The following TENT4B variants were observed in gnomAD, a reference collection of about 807,000 sequenced individuals.
TENT4B encodes the protein terminal nucleotidyltransferase 4B.
Under a neutral mutation model 75.0 loss-of-function variants are expected in TENT4B, and 10 were observed. The ratio of observed to expected loss-of-function variants is 0.13; its 90% CI spans 0.08 to 0.23. The LOEUF is 0.23. Ranked by LOEUF, TENT4B falls within the 10% of genes least tolerant of loss-of-function variation. The probability of loss-of-function intolerance (pLI) is 1.00; values close to 1 mark genes in which losing one functional copy is unlikely to be tolerated. For synonymous variants in TENT4B, 350 were observed against 357.7 expected (o/e 0.98, Z 0.24); for missense variants, 579 against 893.8 (o/e 0.65, Z 4.49).
rs940114529 is a variant in TENT4B, at chr16:50,230,660, G to A, written c.*1332G>A. ...CCTCTTCTTTCATGGAATTGTTATC[G>A]TTAATTAAAACTTTTTTAAACATTG... is the stretch of plus-strand genomic sequence containing the variant. On this transcript the variant is annotated 3_prime_UTR_variant, in exon 12 of 12. Coordinates refer to ENST00000561678, the MANE Select transcript of TENT4B (RefSeq NM_001365324.3). 4 of 985,254 alleles carry A rather than the reference G, an allele frequency of 4.1e-6. No individual in the cohort carries two copies. Among genetic ancestry groups the A allele is most frequent in the Middle Eastern group, 5.2e-4 (1 of 1,914 alleles). 61.0% of individuals were successfully genotyped at this position (985,254 alleles called of 1,614,324 possible).
chr16:50,175,401 C>T (rs2038286916), intron 1 of TENT4B, among the ~76,000 whole-genome samples: 1 of 152,112 alleles, frequency 6.6e-6, no homozygotes, highest in Admixed American at 6.6e-5. Context: ...TATTATCTTA[C>T]AGGAGTTTTA....
At chr16:50,205,381 A>G (rs1487321806) in intron 1 of TENT4B, among the ~76,000 whole-genome samples, 2 of 152,106 alleles carry the variant, frequency 1.3e-5, no homozygotes, top group African/African-American at 4.8e-5. Context: ...AAATTATAAT[A>G]GTACAGAAAG....
In TENT4B at chr16:50,233,233, T is replaced by C. The variant is rs2032348058; in HGVS notation, c.*3905T>C. The C allele has an allele frequency of 2.0e-6, 2 of 985,108 alleles. No individual in the cohort carries two copies. The highest frequency in any genetic ancestry group is 3.5e-5 in the African/African-American group (2 of 57,234). The allele number at this position is 985,108 out of a possible 1,614,324, so 61.0% of individuals were successfully genotyped here. A position where few individuals can be genotyped will look rare whatever the true frequency, so the allele number is the denominator to read the frequency against. On this transcript the variant is annotated 3_prime_UTR_variant, in exon 12 of 12. Transcript: ENST00000561678. ...TCCAGCATTAAAGTGGGAACAAAGA[T>C]TTATATATGAAATTCCTTAAAAGAG...
At chr16:50,172,825 C>T (rs2038231985) in intron 1 of TENT4B, among the ~76,000 whole-genome samples, 1 of 152,160 alleles carries the variant, frequency 6.6e-6, no homozygotes, top group South Asian at 2.1e-4. Context: ...CCTCCATCTA[C>T]CTGAACCCCT....
At chr16:50,203,541 C>T (rs1396045948) in intron 1 of TENT4B, among the ~76,000 whole-genome samples, 2 of 152,194 alleles carry the variant, frequency 1.3e-5, no homozygotes, top group African/African-American at 4.8e-5. Flanking sequence ...ATCGACCTAT[C>T]TCTGTGCACA....
intron 3 of TENT4B, 38 bp downstream of exon 3, chr16:50,214,305 A>G: frequency 6.8e-7 from 1 of 1,479,390 alleles, no homozygotes. Flanking sequence ...GACTTTTCTT[A>G]GAGTGTATTC....
intron 1 of TENT4B, among the ~76,000 whole-genome samples, chr16:50,172,915 T>C (rs2038233644): frequency 6.6e-6 from 1 of 152,200 alleles, no homozygotes; most frequent in African/African-American, 2.4e-5. Context: ...ACAGATTGGC[T>C]TCTTTCCATG....
chr16:50,173,645 A>G (rs537554707), intron 1 of TENT4B, among the ~76,000 whole-genome samples: 2 of 152,212 alleles, frequency 1.3e-5, no homozygotes, highest in African/African-American at 4.8e-5. Flanking sequence ...GCAGTTCTCT[A>G]ATGACGTATG....
chr16:50,232,116 G>A lies in TENT4B; in HGVS notation c.*2788G>A. The stretch of plus-strand genomic sequence containing the variant: ...AGACTGTTTTTTAGAGGAGCTGATG[G>A]GTTGGTGAGGTGTCAGCACAAAATC... On this transcript the variant is annotated 3_prime_UTR_variant, in exon 12 of 12. Coordinates refer to ENST00000561678, the MANE Select transcript of TENT4B (RefSeq NM_001365324.3). 2.0e-6 allele frequency: 2 copies of A among 985,360 alleles called. No individual in the cohort carries two copies. Among genetic ancestry groups the A allele is most frequent in the Non-Finnish European group, 2.4e-6 (2 of 829,926 alleles). The allele number at this position is 985,360 out of a possible 1,614,324, so 61.0% of individuals were successfully genotyped here.
chr16:50,165,339 A>G lies in TENT4B; in HGVS notation c.638+11080A>G, dbSNP rs184590979. ...AAGCTGAGCCTTTGCCCCAGACGACATTATTTCTTTTTTATCAGCAAAATA... is the reference window on the plus strand; with the variant it reads ...AAGCTGAGCCTTTGCCCCAGACGACGTTATTTCTTTTTTATCAGCAAAATA... On this transcript the variant is annotated intron_variant, in intron 1 of 11. Transcript: ENST00000561678. Among the ~76,000 whole-genome samples the G allele has an allele frequency of 2.6e-5, 4 of 152,172 alleles. No homozygotes were observed. The East Asian group carries it at 5.8e-4, about 22-fold the overall frequency.
intron 1 of TENT4B, among the ~76,000 whole-genome samples, chr16:50,171,286 G>A (rs188329196): frequency 2.0e-5 from 3 of 151,842 alleles, no homozygotes; most frequent in African/African-American, 4.8e-5. Context: ...CTGTAGTCCC[G>A]GTTACTTGGG....
In TENT4B at chr16:50,231,857, A is replaced by G; in HGVS notation, c.*2529A>G. The G allele has an allele frequency of 6.1e-6, 6 of 983,462 alleles. No individual in the cohort carries two copies. The highest frequency in any genetic ancestry group is 7.2e-6 in the Non-Finnish European group (6 of 828,008). The allele number at this position is 983,462 out of a possible 1,614,324, so 60.9% of individuals were successfully genotyped here. A position where few individuals can be genotyped will look rare whatever the true frequency, so the allele number is the denominator to read the frequency against. On this transcript the variant is annotated 3_prime_UTR_variant, in exon 12 of 12. Transcript: ENST00000561678. Reference sequence around the variant, plus strand: ...GTTTGCCTGCTCATTTGTTTTATACATTTCATCTATTTGACTCCTATCTTA... The same window carrying G: ...GTTTGCCTGCTCATTTGTTTTATACGTTTCATCTATTTGACTCCTATCTTA...
At chr16:50,155,669 G>T (rs2037884151) in intron 1 of TENT4B, among the ~76,000 whole-genome samples, 1 of 152,094 alleles carries the variant, frequency 6.6e-6, no homozygotes, top group Non-Finnish European at 1.5e-5. Flanking sequence ...ACCCTTTTAG[G>T]GTTGAGTCCT....
At chr16:50,175,721 C>T (rs1250237722) in intron 1 of TENT4B, among the ~76,000 whole-genome samples, 2 of 152,150 alleles carry the variant, frequency 1.3e-5, no homozygotes, top group African/African-American at 4.8e-5. Context: ...CCGCCCGCCT[C>T]AGCCTCCCAA....
At chr16:50,192,313 T>G (rs1009333712) in intron 1 of TENT4B, among the ~76,000 whole-genome samples, 1 of 152,186 alleles carries the variant, frequency 6.6e-6, no homozygotes, top group Non-Finnish European at 1.5e-5. Context: ...ATGACCTTCT[T>G]AATTGACCCT....
chr16:50,179,314 A>G (rs1305013238), intron 1 of TENT4B, among the ~76,000 whole-genome samples: 3 of 152,188 alleles, frequency 2.0e-5, no homozygotes, highest in Non-Finnish European at 4.4e-5. Context: ...GTGAGCCGAG[A>G]TCTTGCCATT....
At chr16:50,201,518 T>C (rs984083277) in intron 1 of TENT4B, among the ~76,000 whole-genome samples, 5 of 150,704 alleles carry the variant, frequency 3.3e-5, no homozygotes, top group Non-Finnish European at 3.0e-5. Context: ...ACCTTGGCGA[T>C]AGAGCAAGAC....
Position 50,230,829 on chromosome 16 carries a change from T to C in TENT4B, c.*1501T>C. On this transcript the variant is annotated 3_prime_UTR_variant, in exon 12 of 12. Transcript: ENST00000561678. Reference sequence around the variant, plus strand: ...AGAATGTAAGTGACATTTCTGAAAATGCTTTCTTTCAGGGTGAAAGCTCTT... The same window carrying C: ...AGAATGTAAGTGACATTTCTGAAAACGCTTTCTTTCAGGGTGAAAGCTCTT... The C allele has an allele frequency of 1.0e-6, 1 of 985,650 alleles. No homozygotes were observed. The highest frequency in any genetic ancestry group is 1.2e-6 in the Non-Finnish European group (1 of 829,732). The allele number at this position is 985,650 out of a possible 1,614,324, so 61.1% of individuals were successfully genotyped here.
chr16:50,201,830 T>A (rs1374864014), intron 1 of TENT4B, among the ~76,000 whole-genome samples: 10 of 136,734 alleles, frequency 7.3e-5, no homozygotes, highest in African/African-American at 2.5e-4. Context: ...ATACTCTATT[T>A]AAAAAAAAAA....
Sources: gnomAD v4.1 joint callset for allele counts (sites outside exome capture counted in the v4.1 genomes callset) on GRCh38, gnomAD v4.1.1 for gene constraint, MANE v1.5 for transcripts, NCBI Gene and HGNC (gene_info 2026-07-23, HGNC 2026-07-21) for gene names.